The following PHACTR1 variants were observed in gnomAD, a reference collection of about 807,000 sequenced individuals.
PHACTR1 encodes the protein RPEL repeat containing 1.
PHACTR1 carries 16 observed loss-of-function variants against 69.2 expected under a neutral mutation model. That is an observed-to-expected ratio of 0.23 (90% CI 0.16 to 0.35). The LOEUF (loss-of-function observed/expected upper bound fraction) is 0.35, where lower values mean the gene tolerates loss of function less well. Ranked by LOEUF, PHACTR1 falls within the 10% of genes least tolerant of loss-of-function variation. The probability of loss-of-function intolerance (pLI) is 1.00; values close to 1 mark genes in which losing one functional copy is unlikely to be tolerated. For missense variants in PHACTR1, 510 were observed against 734.7 expected (o/e 0.69, Z 3.54); for synonymous variants, 312 against 284.5 (o/e 1.10, Z -0.97).
Position 13,169,608 on chromosome 6 carries a change from C to T in PHACTR1, c.496+9324C>T, listed in dbSNP as rs1475567591. On this transcript the variant is annotated intron_variant, in intron 6 of 14. Coordinates refer to ENST00000332995, the MANE Select transcript of PHACTR1 (RefSeq NM_030948.6). ...CCAAAAATGTGTAGCATTATGGAAG[C>T]CAACACAAGAGACTGTTGCTCAGCT... Among the ~76,000 whole-genome samples, 3 of 152,046 alleles carry T rather than the reference C, an allele frequency of 2.0e-5. No homozygotes were observed. In the East Asian group the frequency reaches 5.8e-4, roughly 29 times the overall value.
chr6:13,278,036 G>A (rs1287448650), intron 11 of PHACTR1: 9 of 348,254 alleles, frequency 2.6e-5, no homozygotes. Context: ...CCCATGTGAT[G>A]TAAAGAAGGC....
At chr6:12,830,332 A>G (rs1206628647) in intron 4 of PHACTR1, among the ~76,000 whole-genome samples, 1 of 121,040 alleles carries the variant, frequency 8.3e-6, no homozygotes, top group African/African-American at 3.0e-5. Flanking sequence ...CAAGGGCTTT[A>G]GAAAAAAAAA....
At chr6:12,817,425 G>A (rs1169478599) in intron 4 of PHACTR1, among the ~76,000 whole-genome samples, 2 of 152,222 alleles carry the variant, frequency 1.3e-5, no homozygotes, top group East Asian at 3.8e-4. Flanking sequence ...GTGGTTGAGA[G>A]TCAGATCTGA....
At chr6:12,961,872 A>C (rs1792781071) in intron 4 of PHACTR1, among the ~76,000 whole-genome samples, 1 of 152,084 alleles carries the variant, frequency 6.6e-6, no homozygotes, top group South Asian at 2.1e-4. Flanking sequence ...ATCCTCCCAC[A>C]TAGTTGTCCC....
rs528482854 is a variant in PHACTR1, at chr6:13,202,113, G to A, written c.665-3702G>A. Among the ~76,000 whole-genome samples the A allele has an allele frequency of 7.9e-5, 12 of 152,276 alleles. No homozygotes were observed. The South Asian group carries it at 1.4e-3, about 18-fold the overall frequency. On this transcript the variant is annotated intron_variant, in intron 7 of 14. Coordinates refer to ENST00000332995, the MANE Select transcript of PHACTR1 (RefSeq NM_030948.6). Reference sequence around the variant, plus strand: ...CTTTCCTGGAACAGTAAGAACAACCGTCTCCACTAACTTGGTCCAGCTGGC... The same window carrying A: ...CTTTCCTGGAACAGTAAGAACAACCATCTCCACTAACTTGGTCCAGCTGGC...
intron 4 of PHACTR1, among the ~76,000 whole-genome samples, chr6:12,795,458 G>A (rs1772860476): frequency 6.6e-6 from 1 of 152,106 alleles, no homozygotes; most frequent in Non-Finnish European, 1.5e-5. Flanking sequence ...TGAGCACAAA[G>A]TGCCTGTGAT....
intron 5 of PHACTR1, among the ~76,000 whole-genome samples, chr6:13,066,762 C>A (rs549545557): frequency 6.6e-5 from 10 of 152,226 alleles, no homozygotes; most frequent in Non-Finnish European, 1.3e-4. Flanking sequence ...GCCCCTTTCC[C>A]TGTTTATGTT....
chr6:12,910,527 G>C (rs955794528), intron 4 of PHACTR1, among the ~76,000 whole-genome samples: 1 of 152,052 alleles, frequency 6.6e-6, no homozygotes, highest in African/African-American at 2.4e-5. Context: ...AAACAAACAG[G>C]CTTTACCAAG....
chr6:13,013,939 C>G (rs1256653731), intron 4 of PHACTR1, among the ~76,000 whole-genome samples: 3 of 151,104 alleles, frequency 2.0e-5, no homozygotes, highest in African/African-American at 7.3e-5. Flanking sequence ...CTCCGTTCGC[C>G]GCGCTGCAGG....
intron 10 of PHACTR1, among the ~76,000 whole-genome samples, chr6:13,232,862 T>G (rs1268702513): frequency 6.6e-6 from 1 of 152,204 alleles, no homozygotes; most frequent in African/African-American, 2.4e-5. Context: ...AGATCTTTTA[T>G]TATAGCTCCT....
At chr6:12,773,639 C>A (rs1214729750) in intron 4 of PHACTR1, among the ~76,000 whole-genome samples, 1 of 152,104 alleles carries the variant, frequency 6.6e-6, no homozygotes, top group Non-Finnish European at 1.5e-5. Flanking sequence ...CCTAAGATTT[C>A]AAAGATCTCA....
At chr6:13,121,036 C>T (rs1239656272) in intron 5 of PHACTR1, among the ~76,000 whole-genome samples, 1 of 152,120 alleles carries the variant, frequency 6.6e-6, no homozygotes, top group Non-Finnish European at 1.5e-5. Flanking sequence ...CTACACAAGA[C>T]AGAACCAGAT....
chr6:13,173,123 C>G (rs556380292), intron 6 of PHACTR1, among the ~76,000 whole-genome samples: 1 of 152,342 alleles, frequency 6.6e-6, no homozygotes, highest in East Asian at 1.9e-4. Flanking sequence ...AACACAAACA[C>G]ACACAACAAA....
intron 4 of PHACTR1, among the ~76,000 whole-genome samples, chr6:13,035,917 C>T (rs999228771): frequency 7.2e-5 from 11 of 152,230 alleles, no homozygotes; most frequent in Non-Finnish European, 1.3e-4. Flanking sequence ...TAAACACAAA[C>T]GTAATATTTA....
At chr6:12,862,257 T>C (rs766908183) in intron 4 of PHACTR1, among the ~76,000 whole-genome samples, 1 of 152,214 alleles carries the variant, frequency 6.6e-6, no homozygotes, top group Non-Finnish European at 1.5e-5. Context: ...ACAGCACTTG[T>C]AAATTCAGCA....
intron 4 of PHACTR1, among the ~76,000 whole-genome samples, chr6:12,873,282 G>T (rs1178701509): frequency 6.6e-6 from 1 of 152,138 alleles, no homozygotes; most frequent in Non-Finnish European, 1.5e-5. Flanking sequence ...CTCCCAAAGT[G>T]CTGGGAATAC....
chr6:13,182,755 G>A (rs1050394880), intron 7 of PHACTR1, 69 bp downstream of exon 7: 2 of 1,435,382 alleles, frequency 1.4e-6, no homozygotes. Flanking sequence ...GGGATCTTTG[G>A]CCTGGCTGGA....
intron 4 of PHACTR1, among the ~76,000 whole-genome samples, chr6:12,753,943 A>AATATATAT (rs775836853): frequency 4.6e-4 from 40 of 86,250 alleles, no homozygotes; most frequent in Middle Eastern, 5.2e-3. Context: ...GCAAGTTGTA[A>AATATATAT]ATATATATAT....
intron 4 of PHACTR1, among the ~76,000 whole-genome samples, chr6:12,797,424 G>T (rs992125667): frequency 6.6e-6 from 1 of 152,178 alleles, no homozygotes; most frequent in Non-Finnish European, 1.5e-5. Context: ...AATTGCAGTG[G>T]CTCTACCTAT....
Sources: gnomAD v4.1 joint callset for allele counts (sites outside exome capture counted in the v4.1 genomes callset) on GRCh38, gnomAD v4.1.1 for gene constraint, MANE v1.5 for transcripts, NCBI Gene and HGNC (gene_info 2026-07-23, HGNC 2026-07-21) for gene names.